Variants in DPH6 observed in about 807,000 individuals in gnomAD.
DPH6 encodes the protein diphthamine biosynthesis 6, also known as diphthine--ammonia ligase.
Under a neutral mutation model 38.2 loss-of-function variants are expected in DPH6, and 33 were observed. That is an observed-to-expected ratio of 0.86 (90% CI 0.65 to 1.15). DPH6 has a LOEUF of 1.15. Ranked by LOEUF, DPH6 falls within the 50% of genes most tolerant of loss-of-function variation. The pLI is 0.00. For synonymous variants in DPH6, 108 were observed against 103.0 expected (o/e 1.05, Z -0.30); for missense variants, 325 against 320.0 (o/e 1.02, Z -0.12).
chr15:35,368,421 A>G (rs2052680216), downstream of DPH6, among the ~76,000 whole-genome samples: 1 of 151,914 alleles, frequency 6.6e-6, no homozygotes. Flanking sequence ...TAATAATTTT[A>G]TTCACTTAGA....
At chr15:35,159,864 A>C in the DPH6 span, among the ~76,000 whole-genome samples, 1 of 152,148 alleles carries the variant, frequency 6.6e-6, no homozygotes, top group African/African-American at 2.4e-5. Context: ...ATGGAATACC[A>C]TACAGCCATA....
chr15:35,475,384 T>G (rs748871700), intron 3 of DPH6, among the ~76,000 whole-genome samples: 3 of 152,016 alleles, frequency 2.0e-5, no homozygotes, highest in Admixed American at 2.0e-4. Context: ...TTCTCTGAAC[T>G]ATCTCTACAA....
intron 3 of DPH6, among the ~76,000 whole-genome samples, chr15:35,239,565 C>G (rs1423923640): frequency 1.4e-5 from 2 of 141,196 alleles, no homozygotes; most frequent in African/African-American, 5.3e-5. Flanking sequence ...CCCTTCTCTC[C>G]TTGTCTCTAC....
chr15:35,249,189 C>G (rs2140407705), intron 3 of DPH6, among the ~76,000 whole-genome samples: 2 of 152,278 alleles, frequency 1.3e-5, no homozygotes, highest in Non-Finnish European at 2.9e-5. Flanking sequence ...TACATACTTT[C>G]AGGGATGAAA....
chr15:35,330,963 G>A (rs1341905990), exon 4 of DPH6: 1 of 152,152 alleles, frequency 6.6e-6, no homozygotes, highest in Non-Finnish European at 1.5e-5. Context: ...AAAAGAAAAG[G>A]CTTAAGCAGC....
intron 3 of DPH6, among the ~76,000 whole-genome samples, chr15:35,364,155 T>A (rs1331464137): frequency 6.6e-6 from 1 of 152,038 alleles, no homozygotes; most frequent in Non-Finnish European, 1.5e-5. Flanking sequence ...GAAACAAATT[T>A]TCTTAGTTTT....
At position 35,262,671 on chromosome 15, in the gene DPH6, A is replaced by C. The variant is rs564523669; in HGVS notation, n.201-42089T>G. Among the ~76,000 whole-genome samples, 62 of 131,426 alleles carry C rather than the reference A, an allele frequency of 4.7e-4. 1 individual carries two copies. The highest frequency in any genetic ancestry group is 4.5e-3 in the Middle Eastern group (1 of 220). 86.2% of individuals were successfully genotyped at this position (131,426 alleles called of 152,430 possible). A position where few individuals can be genotyped will look rare whatever the true frequency, so the allele number is the denominator to read the frequency against. ...CAGTGAGCAGAGATGGTGCCACTGCACTCCAGCCTGCGAAACAGAGCAAGA... is the reference window on the plus strand; with the variant it reads ...CAGTGAGCAGAGATGGTGCCACTGCCCTCCAGCCTGCGAAACAGAGCAAGA... On this transcript the variant is annotated intron_variant and non_coding_transcript_variant, in intron 3 of 3. Transcript: ENST00000560386.
At chr15:35,348,195 T>C (rs1183653756) in intron 3 of DPH6, among the ~76,000 whole-genome samples, 1 of 152,196 alleles carries the variant, frequency 6.6e-6, no homozygotes, top group East Asian at 1.9e-4. Context: ...TGTCTGTGCC[T>C]TTGTTGTCAT....
intron 6 of DPH6, among the ~76,000 whole-genome samples, chr15:35,387,273 C>T (rs2052977521): frequency 6.6e-6 from 1 of 152,138 alleles, no homozygotes; most frequent in Non-Finnish European, 1.5e-5. Flanking sequence ...AGTCAGGCAG[C>T]ATGATGTCTC....
chr15:35,311,559 G>A (rs538908574), intron 3 of DPH6, among the ~76,000 whole-genome samples: 9 of 152,200 alleles, frequency 5.9e-5, no homozygotes, highest in South Asian at 4.1e-4. Context: ...AGAAATTTAC[G>A]TTCAATGCTT....
chr15:35,181,083 C>T, the DPH6 span, among the ~76,000 whole-genome samples: 1 of 152,164 alleles, frequency 6.6e-6, no homozygotes, highest in African/African-American at 2.4e-5. Flanking sequence ...GGTTCCACCA[C>T]CAATTGGCTT....
At chr15:35,189,399 G>C in the DPH6 span, among the ~76,000 whole-genome samples, 1 of 152,004 alleles carries the variant, frequency 6.6e-6, no homozygotes, top group Non-Finnish European at 1.5e-5. Context: ...CCTTTCTCCT[G>C]CTACATTTTT....
chr15:35,251,429 A>C (rs1188953706), intron 3 of DPH6, among the ~76,000 whole-genome samples: 1 of 152,118 alleles, frequency 6.6e-6, no homozygotes, highest in Non-Finnish European at 1.5e-5. Flanking sequence ...CCAGCTGTCA[A>C]GCTTTTTTCC....
the DPH6 span, among the ~76,000 whole-genome samples, chr15:35,170,580 A>G: frequency 6.6e-6 from 1 of 152,202 alleles, no homozygotes; most frequent in Non-Finnish European, 1.5e-5. Context: ...CACTACAAAT[A>G]GGTACAAACC....
chr15:35,150,411 C>T, the DPH6 span, among the ~76,000 whole-genome samples: 10 of 152,088 alleles, frequency 6.6e-5, no homozygotes, highest in African/African-American at 2.4e-4. Context: ...TTATATGAAC[C>T]CATTTAAGAA....
At chr15:35,203,718 A>G in the DPH6 span, among the ~76,000 whole-genome samples, 8 of 151,766 alleles carry the variant, frequency 5.3e-5, no homozygotes, top group Non-Finnish European at 1.0e-4. Context: ...TTTATGAATC[A>G]CATGATTTCA....
At chr15:35,287,525 T>G (rs1221241402) in intron 3 of DPH6, among the ~76,000 whole-genome samples, 1 of 152,160 alleles carries the variant, frequency 6.6e-6, no homozygotes, top group East Asian at 1.9e-4. Context: ...CAGATCTGAG[T>G]GTTGAAAGAT....
At chr15:35,454,399 TTA>T (rs1263629427) in intron 4 of DPH6, among the ~76,000 whole-genome samples, 5 of 152,184 alleles carry the variant, frequency 3.3e-5, no homozygotes, top group African/African-American at 4.8e-5. Flanking sequence ...ATTCCTTTTA[TTA>T]TCTCTTGATT....
intron 5 of DPH6, among the ~76,000 whole-genome samples, chr15:35,423,928 A>G (rs2053537152): frequency 6.6e-6 from 1 of 151,604 alleles, no homozygotes; most frequent in Non-Finnish European, 1.5e-5. Flanking sequence ...ATTGGTCTCT[A>G]TACTTGTTTT....
Sources: allele counts gnomAD v4.1 joint callset (sites outside exome capture counted in the v4.1 genomes callset), GRCh38; gene constraint gnomAD v4.1.1; transcripts MANE v1.5; gene names NCBI Gene and HGNC (gene_info 2026-07-23, HGNC 2026-07-21).